TRAF5: variants seen among roughly 807,000 people sequenced by gnomAD.
TRAF5 encodes the protein TNF receptor-associated factor 5.
TRAF5 carries 48 observed loss-of-function variants against 64.5 expected under a neutral mutation model. The observed-to-expected ratio is 0.74, with a 90% confidence interval of 0.59 to 0.95. TRAF5 has a LOEUF of 0.95. TRAF5 is among the 40% of genes least tolerant of loss of function. The probability of loss-of-function intolerance (pLI) is 0.00; values close to 1 mark genes in which losing one functional copy is unlikely to be tolerated. For missense variants in TRAF5, 545 were observed against 662.8 expected, an observed-to-expected ratio of 0.82 and a Z score of 1.95; for synonymous variants, 206 against 240.5, an observed-to-expected ratio of 0.86 and a Z score of 1.33.
intron 1 of TRAF5, 146 bp downstream of exon 1, chr1:211,327,035 G>A: frequency 1.5e-6 from 1 of 680,058 alleles, no homozygotes; most frequent in Non-Finnish European, 1.8e-6. Context: ...CGGCGGGGAG[G>A]GCGCGAGGCG....
chr1:211,371,366 T>C lies in TRAF5; in HGVS notation c.995T>C (p.Met332Thr), dbSNP rs1703514498. The C allele has an allele frequency of 1.2e-6, 2 of 1,611,690 alleles. No individual in the cohort carries two copies. Among genetic ancestry groups the C allele is most frequent in the Non-Finnish European group, 8.5e-7 (1 of 1,179,690 alleles). Residue 332 changes from methionine (M) to threonine (T), a missense_variant, in exon 10 of 11, where the codon ATG becomes ACG. By Grantham distance (81) the Met-to-Thr change is moderately conservative. Transcript: ENST00000261464. ...LEAQVHQLLQ[M>T]VNQQQNKFDL... ...GCTCAAGTGCATCAATTATTACAAA[T>C]GGTTAACCAGCAACAAAATAAATTT... is the stretch of plus-strand genomic sequence containing the variant.
At chr1:211,344,961 G>A (rs1399649124) in intron 1 of TRAF5, among the ~76,000 whole-genome samples, 2 of 152,110 alleles carry the variant, frequency 1.3e-5, no homozygotes, top group African/African-American at 4.8e-5. Context: ...TTTTGCTCTT[G>A]TTGCCCAGTC....
chr1:211,349,034 T>TA (rs373131975), intron 1 of TRAF5, among the ~76,000 whole-genome samples: 17,379 of 84,630 alleles, frequency 0.21, 2,574 homozygotes, highest in African/African-American at 0.39. Context: ...ACTCTGTCTC[T>TA]AAAAAAAAAA....
intron 1 of TRAF5, among the ~76,000 whole-genome samples, chr1:211,352,616 AC>A (rs1466736472): frequency 6.6e-6 from 1 of 151,872 alleles, no homozygotes; most frequent in Non-Finnish European, 1.5e-5. Context: ...ACAGAGTGAG[AC>A]CTTGTCTCTG....
At chr1:211,356,332 T>C in intron 3 of TRAF5, 35 bp from the exon 4 acceptor site, 2 of 1,569,130 alleles carry the variant, frequency 1.3e-6, no homozygotes, top group East Asian at 2.2e-5. Flanking sequence ...TGTAAAACTT[T>C]GAAGTGTGTG....
At chr1:211,345,367 C>A (rs958361122) in intron 1 of TRAF5, among the ~76,000 whole-genome samples, 11 of 152,044 alleles carry the variant, frequency 7.2e-5, no homozygotes, top group East Asian at 3.9e-4. Context: ...GCGCTCCCCC[C>A]CCCTCCTTTT....
chr1:211,339,777 C>T (rs1351496361), intron 1 of TRAF5, among the ~76,000 whole-genome samples: 1 of 152,220 alleles, frequency 6.6e-6, no homozygotes, highest in African/African-American at 2.4e-5. Flanking sequence ...CGTCTGCTTC[C>T]TCTGTGGACT....
At chr1:211,331,178 A>G (rs952071594) in intron 1 of TRAF5, among the ~76,000 whole-genome samples, 1 of 152,128 alleles carries the variant, frequency 6.6e-6, no homozygotes, top group African/African-American at 2.4e-5. Context: ...GGGCAACCTT[A>G]ATTAAGCATT....
In TRAF5 at chr1:211,372,699, C is replaced by A; in HGVS notation, c.1671C>A (p.Leu557=). 1 of 1,613,778 alleles carries A rather than the reference C, an allele frequency of 6.2e-7. No homozygotes were observed. Among genetic ancestry groups the A allele is most frequent in the South Asian group, 1.1e-5 (1 of 91,044 alleles). ...VAVDLTDLED[L] is the part of the protein sequence containing the mutation. ...TGGACTTAACTGACCTGGAGGATCT[C>A]TAGTCACTGTTATGGGGTGATAAGA... Residue 557 remains leucine (L), a synonymous_variant, in exon 11 of 11, where the codon CTC becomes CTA. Coordinates refer to ENST00000261464, the MANE Select transcript of TRAF5 (RefSeq NM_001033910.3).
intron 7 of TRAF5, among the ~76,000 whole-genome samples, chr1:211,364,483 G>A (rs1049094330): frequency 7.9e-5 from 12 of 152,050 alleles, no homozygotes; most frequent in Non-Finnish European, 1.3e-4. Flanking sequence ...TCAGGAGTTC[G>A]AGACCAGCCT....
At chr1:211,355,249 T>C (rs1246816086) in intron 3 of TRAF5, among the ~76,000 whole-genome samples, 1 of 152,144 alleles carries the variant, frequency 6.6e-6, no homozygotes, top group Non-Finnish European at 1.5e-5. Flanking sequence ...TTTGCAAATA[T>C]TTTTCTTCCA....
intron 1 of TRAF5, among the ~76,000 whole-genome samples, chr1:211,343,682 T>A (rs1382972681): frequency 6.6e-6 from 1 of 152,172 alleles, no homozygotes; most frequent in East Asian, 1.9e-4. Context: ...GACTCCAGCC[T>A]TAGGCTCCAT....
At chr1:211,359,685 G>A (rs2292483) in intron 4 of TRAF5, 318,883 of 459,624 alleles carry the variant, frequency 0.69, 115,135 homozygotes, top group Non-Finnish European at 0.76. Flanking sequence ...ATTTCCCCCA[G>A]CCAAGACTGG....
chr1:211,356,297 TTAG>T lies in TRAF5; in HGVS notation c.277-67_277-65del. 3 of 1,353,114 alleles carry T rather than the reference TTAG, an allele frequency of 2.2e-6. No individual in the cohort carries two copies. The South Asian group carries it at 3.7e-5, about 17-fold the overall frequency. The allele number at this position is 1,353,114 out of a possible 1,614,324, so 83.8% of individuals were successfully genotyped here. A position where few individuals can be genotyped will look rare whatever the true frequency, so the allele number is the denominator to read the frequency against. Reference sequence around the variant, plus strand: ...TTCTGAGATACACTCGAAGACCAAATTAGTAATAGCTTAATTCACATTGCTGTA... The same window carrying T: ...TTCTGAGATACACTCGAAGACCAAATTAATAGCTTAATTCACATTGCTGTA... On this transcript the variant is annotated intron_variant, in intron 3 of 10. Coordinates refer to ENST00000261464, the MANE Select transcript of TRAF5 (RefSeq NM_001033910.3).
At position 211,372,834 on chromosome 1, in the gene TRAF5, C is replaced by T; in HGVS notation, c.*132C>T. ...TGCCTTTTTCCTTAACGTTTGAAGT[C>T]AGTTTAAAACTTCTGAAGTGCTGTC... On this transcript the variant is annotated 3_prime_UTR_variant, in exon 11 of 11. Transcript: ENST00000261464. The T allele has an allele frequency of 1.3e-6, 1 of 784,404 alleles. No individual in the cohort carries two copies. 48.6% of individuals were successfully genotyped at this position (784,404 alleles called of 1,614,324 possible).
upstream of TRAF5, chr1:211,326,761 G>A (rs1702022228): frequency 2.0e-5 from 20 of 984,408 alleles, no homozygotes; most frequent in South Asian, 9.0e-5. The surrounding 1 kb of genome is among the most constrained non-coding windows in gnomAD (Gnocchi z 5.0). Context: ...GCGCCCGCCC[G>A]CGCCCCTCCG....
intron 2 of TRAF5, among the ~76,000 whole-genome samples, chr1:211,353,840 A>G (rs1467202457): frequency 4.6e-5 from 7 of 152,170 alleles, no homozygotes. Context: ...CCTTGCTGCC[A>G]TGGATGCTGT....
At position 211,373,549 on chromosome 1, in the gene TRAF5, G is replaced by A. The variant is rs1703605150; in HGVS notation, c.*847G>A. 6.6e-6 allele frequency: 1 copy of A among 151,982 alleles called. No individual in the cohort carries two copies. The highest frequency in any genetic ancestry group is 1.5e-5 in the Non-Finnish European group (1 of 68,002). The allele number at this position is 151,982 out of a possible 1,614,324, so 9.4% of individuals were successfully genotyped here. A position where few individuals can be genotyped will look rare whatever the true frequency, so the allele number is the denominator to read the frequency against. ...ACCTATATATGTGTGTATACAAACA[G>A]TTCGAATGTATTTTGGTGACAGTAA... On this transcript the variant is annotated 3_prime_UTR_variant, in exon 11 of 11. Transcript: ENST00000261464.
At chr1:211,344,932 T>C (rs1207884426) in intron 1 of TRAF5, among the ~76,000 whole-genome samples, 1 of 152,094 alleles carries the variant, frequency 6.6e-6, no homozygotes. Context: ...TTTATTTATT[T>C]ATTTATTTAG....
Sources: gnomAD v4.1 joint callset for allele counts (sites outside exome capture counted in the v4.1 genomes callset) on GRCh38, gnomAD v4.1.1 for gene constraint, Gnocchi (gnomAD v3.1) non-coding constraint, MANE v1.5 for transcripts, NCBI Gene and HGNC (gene_info 2026-07-23, HGNC 2026-07-21) for gene names.